CEP63: variants seen among roughly 807,000 people sequenced by gnomAD.
CEP63 encodes the protein centrosomal protein 63.
CEP63 carries 84 observed loss-of-function variants against 89.1 expected under a neutral mutation model. The observed-to-expected ratio is 0.94, with a 90% confidence interval of 0.79 to 1.13. The LOEUF is 1.13. CEP63 is among the 50% of genes most tolerant of loss of function. The probability of loss-of-function intolerance (pLI) is 0.00; values close to 1 mark genes in which losing one functional copy is unlikely to be tolerated. For synonymous variants in CEP63, 267 were observed against 272.5 expected (o/e 0.98, Z 0.20); for missense variants, 838 against 813.3 (o/e 1.03, Z -0.37).
intron 10 of CEP63, among the ~76,000 whole-genome samples, chr3:134,583,942 A>G (rs1412687138): frequency 1.3e-5 from 2 of 152,140 alleles, no homozygotes; most frequent in African/African-American, 2.4e-5. Context: ...CTTTGTAGCA[A>G]TTGTGAATGG....
At chr3:134,766,203 C>T in the CEP63 span, among the ~76,000 whole-genome samples, 4 of 152,198 alleles carry the variant, frequency 2.6e-5, no homozygotes, top group African/African-American at 9.6e-5. Context: ...ATGTTAGGAT[C>T]TACCTCTCCC....
the CEP63 span, among the ~76,000 whole-genome samples, chr3:134,720,094 T>C: frequency 2.0e-5 from 3 of 152,144 alleles, no homozygotes; most frequent in Non-Finnish European, 4.4e-5. Flanking sequence ...CAGCAATGTA[T>C]GAGGGTTCCA....
intron 1 of CEP63, 74 bp downstream of exon 1, chr3:134,486,276 G>A (rs1419145840): frequency 2.4e-5 from 24 of 985,612 alleles, no homozygotes; most frequent in East Asian, 1.1e-4. Context: ...GAGGGGCAAG[G>A]GGCTGCCGTG....
At chr3:134,663,569 A>G in the CEP63 span, among the ~76,000 whole-genome samples, 1 of 152,210 alleles carries the variant, frequency 6.6e-6, no homozygotes. Context: ...CTCTGAAGTC[A>G]GTCTGTCCGT....
At chr3:134,688,641 G>T in the CEP63 span, among the ~76,000 whole-genome samples, 2,479 of 152,306 alleles carry the variant, frequency 0.016, 61 homozygotes, top group African/African-American at 0.055. Context: ...GCACCAAGTT[G>T]ATCACAGGGA....
intron 6 of CEP63, among the ~76,000 whole-genome samples, chr3:134,540,462 C>A (rs1367325301): frequency 6.6e-6 from 1 of 152,008 alleles, no homozygotes; most frequent in Non-Finnish European, 1.5e-5. Flanking sequence ...TATCAGAGTA[C>A]CTTCAAATAT....
chr3:134,700,137 T>C, the CEP63 span, among the ~76,000 whole-genome samples: 3 of 152,394 alleles, frequency 2.0e-5, no homozygotes, highest in Admixed American at 1.3e-4. Context: ...ACCCAATGCC[T>C]AGAAACTATA....
chr3:134,621,517 C>A, the CEP63 span, among the ~76,000 whole-genome samples: 1 of 152,224 alleles, frequency 6.6e-6, no homozygotes, highest in East Asian at 1.9e-4. Context: ...TTTCCACATG[C>A]AAAAGAATAA....
the CEP63 span, among the ~76,000 whole-genome samples, chr3:134,778,163 T>C: frequency 1.3e-5 from 2 of 151,312 alleles, no homozygotes; most frequent in Non-Finnish European, 2.9e-5. Context: ...AGTGATGTGA[T>C]CTCAGCTCAC....
rs66493822 is a variant in CEP63 at position 134,529,339 on chromosome 3, C to CTTTTT, written c.223-2491_223-2487dup. Among the ~76,000 whole-genome samples the CTTTTT allele has an allele frequency of 2.1e-4, 25 of 116,922 alleles. 3 individuals carry two copies. The highest frequency in any genetic ancestry group is 3.0e-4 in the Admixed American group (3 of 9,866). The allele number at this position is 116,922 out of a possible 152,430, so 76.7% of individuals were successfully genotyped here. The stretch of plus-strand genomic sequence containing the variant: ...TTATAAAAGAACAAATCCCCATTGA[C>CTTTTT]TTTTTTTTTTTTTTTTTTTGAGACT... On this transcript the variant is annotated intron_variant, in intron 3 of 14. Coordinates refer to ENST00000675561, the MANE Select transcript of CEP63 (RefSeq NM_001353108.3).
the CEP63 span, among the ~76,000 whole-genome samples, chr3:134,704,615 A>G: frequency 6.6e-6 from 1 of 152,238 alleles, no homozygotes; most frequent in South Asian, 2.1e-4. Context: ...AGACATTTCC[A>G]GCAGTCTTTC....
At chr3:134,745,237 A>C in the CEP63 span, among the ~76,000 whole-genome samples, 1 of 152,156 alleles carries the variant, frequency 6.6e-6, no homozygotes, top group Non-Finnish European at 1.5e-5. Context: ...CCCAGTGCTC[A>C]ATGTCCCAAG....
At chr3:134,747,355 G>C in the CEP63 span, among the ~76,000 whole-genome samples, 1 of 152,182 alleles carries the variant, frequency 6.6e-6, no homozygotes, top group Non-Finnish European at 1.5e-5. Context: ...ATAGTGATGA[G>C]CAAGACAGAC....
chr3:134,761,789 ACTT>A, the CEP63 span, among the ~76,000 whole-genome samples: 1 of 151,682 alleles, frequency 6.6e-6, no homozygotes, highest in African/African-American at 2.4e-5. Flanking sequence ...AGAGCCCTTC[ACTT>A]CTTCTCCTCC....
At chr3:134,707,807 A>T in the CEP63 span, among the ~76,000 whole-genome samples, 1 of 135,526 alleles carries the variant, frequency 7.4e-6, no homozygotes, top group Non-Finnish European at 1.5e-5. Context: ...TTGATGGATG[A>T]TCAGTCCTCC....
At chr3:134,666,598 G>C in the CEP63 span, among the ~76,000 whole-genome samples, 1 of 152,086 alleles carries the variant, frequency 6.6e-6, no homozygotes, top group Non-Finnish European at 1.5e-5. Flanking sequence ...TGCTTCACCA[G>C]CTAACAATCC....
chr3:134,555,368 A>G lies in CEP63; in HGVS notation c.1468-2774A>G, dbSNP rs567581096. 1.2e-3 allele frequency among the ~76,000 whole-genome samples: 176 copies of G among 152,124 alleles called. 1 individual carries two copies. Among genetic ancestry groups the G allele is most frequent in the African/African-American group, 4.1e-3 (170 of 41,496 alleles). ...GCAGACGACATGATTGTATATCTAG[A>G]AAACCCCATTGTCTCAGCCCAAAAT... On this transcript the variant is annotated intron_variant, in intron 12 of 14. Transcript: ENST00000675561.
At chr3:134,624,485 ACT>A in the CEP63 span, among the ~76,000 whole-genome samples, 2 of 151,814 alleles carry the variant, frequency 1.3e-5, no homozygotes, top group African/African-American at 2.4e-5. Context: ...CTCCTATCAG[ACT>A]CTCTGTGCTG....
intron 12 of CEP63, among the ~76,000 whole-genome samples, chr3:134,553,978 C>T (rs1404387785): frequency 6.6e-6 from 1 of 152,168 alleles, no homozygotes; most frequent in Non-Finnish European, 1.5e-5. Flanking sequence ...ATTACACTGT[C>T]ATTGAAGGTG....
Sources: gnomAD v4.1 joint callset for allele counts (sites outside exome capture counted in the v4.1 genomes callset) on GRCh38, gnomAD v4.1.1 for gene constraint, MANE v1.5 for transcripts, NCBI Gene and HGNC (gene_info 2026-07-23, HGNC 2026-07-21) for gene names.